B3GALT1: variants seen among roughly 807,000 people sequenced by gnomAD.
B3GALT1 encodes the protein UDP-Gal:betaGlcNAc beta 1,3-galactosyltransferase, polypeptide 1.
A neutral mutation model predicts 23.2 loss-of-function variants in B3GALT1; 10 were observed. The ratio of observed to expected loss-of-function variants is 0.43; its 90% CI spans 0.27 to 0.73. The LOEUF is 0.73. Ranked by LOEUF, B3GALT1 falls within the 30% of genes least tolerant of loss-of-function variation. B3GALT1 has a pLI of 0.21. For synonymous variants in B3GALT1, 156 were observed against 141.5 expected, an observed-to-expected ratio of 1.10 and a Z score of -0.73; for missense variants, 299 against 405.4, an observed-to-expected ratio of 0.74 and a Z score of 2.25.
chr2:167,794,345 G>A (rs994685045), intron 3 of B3GALT1, among the ~76,000 whole-genome samples: 5 of 152,180 alleles, frequency 3.3e-5, no homozygotes, highest in African/African-American at 9.6e-5. Context: ...GAAACACACA[G>A]TCTGGAACAT....
chr2:167,793,085 G>A (rs923048167), intron 3 of B3GALT1, among the ~76,000 whole-genome samples: 15 of 152,156 alleles, frequency 9.9e-5, no homozygotes, highest in Admixed American at 9.8e-4. Flanking sequence ...TCAACCACAA[G>A]TGTGGAAGTC....
intron 1 of B3GALT1, among the ~76,000 whole-genome samples, chr2:167,443,333 G>A (rs1490044497): frequency 6.6e-6 from 1 of 152,098 alleles, no homozygotes; most frequent in African/African-American, 2.4e-5. Context: ...TGTTCTTTTG[G>A]CTTAGGATTG....
intron 1 of B3GALT1, among the ~76,000 whole-genome samples, chr2:167,432,581 G>T (rs928352592): frequency 6.6e-6 from 1 of 152,160 alleles, no homozygotes; most frequent in African/African-American, 2.4e-5. Context: ...TTCTCTAACA[G>T]CATGAAAGTA....
chr2:167,528,234 C>T (rs1683255278), intron 2 of B3GALT1, among the ~76,000 whole-genome samples: 1 of 152,166 alleles, frequency 6.6e-6, no homozygotes. Context: ...TTCAAGCATC[C>T]TGGGCTGGCC....
chr2:167,382,748 G>C (rs923817880), intron 1 of B3GALT1, among the ~76,000 whole-genome samples: 1 of 152,122 alleles, frequency 6.6e-6, no homozygotes, highest in Non-Finnish European at 1.5e-5. Context: ...GGGCGGAGCA[G>C]GTCATGTCTG....
At chr2:167,559,929 C>T (rs1289927295) in intron 2 of B3GALT1, among the ~76,000 whole-genome samples, 13 of 152,082 alleles carry the variant, frequency 8.5e-5, no homozygotes, top group Admixed American at 1.3e-4. Flanking sequence ...GGCAGGCCAA[C>T]GTTCAGATTC....
chr2:167,512,142 G>A (rs1243221255), intron 2 of B3GALT1, among the ~76,000 whole-genome samples: 1 of 152,034 alleles, frequency 6.6e-6, no homozygotes, highest in African/African-American at 2.4e-5. Context: ...AGTATAATTT[G>A]AAGTAAATGT....
intron 4 of B3GALT1, among the ~76,000 whole-genome samples, chr2:167,838,321 G>A (rs1221003480): frequency 0.011 from 1,648 of 151,992 alleles, 2 homozygotes; most frequent in African/African-American, 0.021. Flanking sequence ...TCAAATAGAC[G>A]CAATAAAAAA....
chr2:167,732,617 C>T (rs994322298), intron 3 of B3GALT1, among the ~76,000 whole-genome samples: 10 of 152,138 alleles, frequency 6.6e-5, no homozygotes, highest in African/African-American at 2.4e-4. Context: ...TGGCTGATTG[C>T]AAGGGAAACC....
At chr2:167,459,077 T>C (rs1158558322) in intron 1 of B3GALT1, among the ~76,000 whole-genome samples, 1 of 152,204 alleles carries the variant, frequency 6.6e-6, no homozygotes, top group Non-Finnish European at 1.5e-5. Context: ...AGCTAATCTC[T>C]GTCTTTTGAC....
chr2:167,336,011 T>A (rs942509532), intron 1 of B3GALT1, among the ~76,000 whole-genome samples: 13 of 150,740 alleles, frequency 8.6e-5, no homozygotes, highest in East Asian at 1.9e-4. Flanking sequence ...AAGTTTTGAT[T>A]AAAAAAAAAC....
At chr2:167,685,591 A>G (rs1442478349) in intron 3 of B3GALT1, among the ~76,000 whole-genome samples, 1 of 152,164 alleles carries the variant, frequency 6.6e-6, no homozygotes, top group Non-Finnish European at 1.5e-5. Flanking sequence ...GGAGCCTGAC[A>G]TATTTAAAGG....
At chr2:167,461,466 C>T (rs1699257968) in intron 1 of B3GALT1, among the ~76,000 whole-genome samples, 1 of 152,106 alleles carries the variant, frequency 6.6e-6, no homozygotes, top group African/African-American at 2.4e-5. Context: ...TTTCTAGAAC[C>T]CTCTCACCTC....
intron 1 of B3GALT1, among the ~76,000 whole-genome samples, chr2:167,358,324 C>T (rs947395337): frequency 1.6e-4 from 25 of 152,252 alleles, no homozygotes; most frequent in Non-Finnish European, 2.1e-4. Flanking sequence ...ATTTCAGTGA[C>T]GGACATTGAG....
intron 3 of B3GALT1, among the ~76,000 whole-genome samples, chr2:167,732,166 G>A (rs972796333): frequency 6.6e-6 from 1 of 152,112 alleles, no homozygotes; most frequent in African/African-American, 2.4e-5. Context: ...GACGTTTTAT[G>A]ATCTCAATAT....
intron 4 of B3GALT1, among the ~76,000 whole-genome samples, chr2:167,829,655 C>T (rs1430413577): frequency 6.6e-6 from 1 of 152,162 alleles, no homozygotes; most frequent in Non-Finnish European, 1.5e-5. Context: ...TGAAAAGTCT[C>T]AGTTGATGCC....
chr2:167,726,578 G>A (rs937088273), intron 3 of B3GALT1, among the ~76,000 whole-genome samples: 20 of 152,188 alleles, frequency 1.3e-4, no homozygotes. Flanking sequence ...AATGTGACTG[G>A]ATTTGCACAG....
chr2:167,662,600 A>G (rs967085881), intron 3 of B3GALT1, among the ~76,000 whole-genome samples: 52 of 152,124 alleles, frequency 3.4e-4, no homozygotes, highest in African/African-American at 1.0e-3. Context: ...CTTAAGGTCT[A>G]TTCTCCACTG....
intron 1 of B3GALT1, among the ~76,000 whole-genome samples, chr2:167,392,414 A>G (rs1004828654): frequency 1.3e-5 from 2 of 152,116 alleles, no homozygotes; most frequent in Non-Finnish European, 2.9e-5. Flanking sequence ...ATTGGGCACA[A>G]GAGTATCATA....
Sources: gnomAD v4.1 joint callset for allele counts (sites outside exome capture counted in the v4.1 genomes callset) on GRCh38, gnomAD v4.1.1 for gene constraint, MANE v1.5 for transcripts, NCBI Gene and HGNC (gene_info 2026-07-23, HGNC 2026-07-21) for gene names.